The following DNAJC3 variants were observed in gnomAD, a reference collection of about 807,000 sequenced individuals.
DNAJC3 encodes DnaJ heat shock protein family (Hsp40) member C3.
A neutral mutation model predicts 68.6 loss-of-function variants in DNAJC3; 38 were observed. The ratio of observed to expected loss-of-function variants is 0.55; its 90% CI spans 0.43 to 0.73. The LOEUF (loss-of-function observed/expected upper bound fraction) is 0.73. Ranked by LOEUF, DNAJC3 falls within the 30% of genes least tolerant of loss-of-function variation. The pLI is 0.00. For missense variants in DNAJC3, 526 were observed against 591.9 expected (o/e 0.89, Z 1.16); for synonymous variants, 203 against 204.0 (o/e 1.00, Z 0.04).
intron 9 of DNAJC3, among the ~76,000 whole-genome samples, chr13:95,767,691 G>GTTTTTTTTTTTTTT (rs796243780): frequency 1.5e-5 from 2 of 135,796 alleles, no homozygotes; most frequent in African/African-American, 5.5e-5. Context: ...AGTTTTTTGG[G>GTTTTTTTTTTTTTT]TTTTTTTTTT....
chr13:95,718,563 G>A (rs1051381703), intron 2 of DNAJC3, among the ~76,000 whole-genome samples: 2 of 152,144 alleles, frequency 1.3e-5, no homozygotes, highest in Non-Finnish European at 2.9e-5. Flanking sequence ...ACCATGCCTG[G>A]CTAATTTTTG....
chr13:95,738,415 CAG>C (rs1184537742), intron 4 of DNAJC3, among the ~76,000 whole-genome samples: 1 of 149,576 alleles, frequency 6.7e-6, no homozygotes, highest in African/African-American at 2.5e-5. Flanking sequence ...CTAATGTTGA[CAG>C]TGGGGTGTTA....
At position 95,785,924 on chromosome 13, in the gene DNAJC3, A is replaced by C; in HGVS notation, c.1076-15A>C. 6.4e-7 allele frequency: 1 copy of C among 1,571,670 alleles called. No homozygotes were observed. Among genetic ancestry groups the C allele is most frequent in the Non-Finnish European group, 8.6e-7 (1 of 1,165,576 alleles). On this transcript the variant is annotated splice_polypyrimidine_tract_variant and intron_variant, in intron 9 of 11. Transcript: ENST00000602402. ...AATTTGCCTTAACAATATTATCTTA[A>C]ACATATTTTGACAGCTATTCAGGAT...
intron 7 of DNAJC3, among the ~76,000 whole-genome samples, chr13:95,761,266 T>C (rs1345839209): frequency 6.6e-6 from 1 of 152,114 alleles, no homozygotes; most frequent in African/African-American, 2.4e-5. Context: ...AGAGGAGCTT[T>C]TTTTTTTAGA....
chr13:95,764,824 C>T (rs1882946981), intron 9 of DNAJC3, among the ~76,000 whole-genome samples: 1 of 148,412 alleles, frequency 6.7e-6, no homozygotes, highest in Non-Finnish European at 1.5e-5. Context: ...TTAAATGATA[C>T]AGGTTTTTAA....
rs9561942 is a variant in DNAJC3, at chr13:95,726,798, A to G, written c.393+1546A>G. On this transcript the variant is annotated intron_variant, in intron 4 of 11. Transcript: ENST00000602402. The stretch of plus-strand genomic sequence containing the variant: ...CCACTGTTTATTATTTGCATTTTTT[A>G]TAGTTTATGGAAATGCTTAGTTACT... 2.3e-4 allele frequency among the ~76,000 whole-genome samples: 35 copies of G among 152,330 alleles called. No homozygotes were observed. In the East Asian group the frequency reaches 4.4e-3, roughly 19 times the overall value.
Position 95,793,379 on chromosome 13 carries a change from A to G in DNAJC3, c.*2349A>G, listed in dbSNP as rs911042744. On this transcript the variant is annotated 3_prime_UTR_variant, in exon 12 of 12. Transcript: ENST00000602402. ...ACTGAGAAGCAGCCTGGGTGTGTAA[A>G]GAGATAGTCATTCCCCCTGCCTGTC... 6.0e-5 allele frequency: 4 copies of G among 66,428 alleles called. No individual in the cohort carries two copies. Among genetic ancestry groups the G allele is most frequent in the African/African-American group, 8.6e-5 (2 of 23,328 alleles). 4.1% of individuals were successfully genotyped at this position (66,428 alleles called of 1,614,324 possible). A position where few individuals can be genotyped will look rare whatever the true frequency, so the allele number is the denominator to read the frequency against.
intron 1 of DNAJC3, 125 bp downstream of exon 1, chr13:95,677,462 G>A: frequency 6.0e-6 from 6 of 1,000,130 alleles, no homozygotes; most frequent in Non-Finnish European, 8.3e-6. Flanking sequence ...GGGGGAGCCC[G>A]CGGCCTGGCT....
intron 10 of DNAJC3, 53 bp from the exon 11 acceptor site, chr13:95,786,954 A>G: frequency 1.3e-6 from 2 of 1,559,072 alleles, no homozygotes; most frequent in Non-Finnish European, 8.6e-7. Context: ...GATTTTTATG[A>G]TAGTATGTTA....
intron 7 of DNAJC3, among the ~76,000 whole-genome samples, chr13:95,762,050 G>A (rs2139676464): frequency 6.6e-6 from 1 of 152,260 alleles, no homozygotes; most frequent in Non-Finnish European, 1.5e-5. Flanking sequence ...AGGACCTGAG[G>A]TTGGGAGTTT....
intron 2 of DNAJC3, 46 bp downstream of exon 2, chr13:95,709,383 T>C (rs982159027): frequency 7.6e-7 from 1 of 1,310,878 alleles, no homozygotes; most frequent in Non-Finnish European, 1.1e-6. Context: ...CTTAGTGAAT[T>C]CTAGTAATAG....
At chr13:95,678,913 T>C (rs142316600) in intron 1 of DNAJC3, among the ~76,000 whole-genome samples, 57 of 152,338 alleles carry the variant, frequency 3.7e-4, no homozygotes, top group Non-Finnish European at 6.9e-4. Flanking sequence ...GTGACATTTC[T>C]CAGAGGAGTG....
intron 4 of DNAJC3, among the ~76,000 whole-genome samples, chr13:95,735,431 C>T (rs1881876238): frequency 8.0e-6 from 1 of 125,326 alleles, no homozygotes; most frequent in Admixed American, 8.5e-5. Flanking sequence ...GTTTACAGTC[C>T]CACCAACAGT....
Position 95,760,086 on chromosome 13 carries a change from T to C in DNAJC3, c.593T>C (p.Phe198Ser), listed in dbSNP as rs755073342. The C allele has an allele frequency of 1.2e-6, 2 of 1,610,990 alleles. No individual in the cohort carries two copies. Among genetic ancestry groups the C allele is most frequent in the African/African-American group, 1.3e-5 (1 of 74,836 alleles). The change falls in exon 6 of 12, where the codon TTT becomes TCT. Residue 198 changes from phenylalanine to serine, a missense_variant. Coordinates refer to ENST00000602402, the MANE Select transcript of DNAJC3 (RefSeq NM_006260.5). ...AELRELRAECFIKEGEPRKAI... is the reference protein window; with the variant it reads ...AELRELRAECSIKEGEPRKAI... ...CTACGGGAACTTCGAGCTGAATGTT[T>C]TATAAAAGAAGGAGAACCTAGGAAA...
chr13:95,704,553 A>T (rs570220889), intron 1 of DNAJC3, among the ~76,000 whole-genome samples: 1 of 152,218 alleles, frequency 6.6e-6, no homozygotes, highest in Non-Finnish European at 1.5e-5. Flanking sequence ...CCTTAAGGAG[A>T]TACAGTGCTG....
rs1432196574 is a variant in DNAJC3, at chr13:95,743,700, G to GGT, written c.394-13942_394-13941dup. The stretch of plus-strand genomic sequence containing the variant: ...AGTCTCCCTAGTGGCTGGGATCATA[G>GGT]GTGCCCGCTACCACACCCAGCTAAT... On this transcript the variant is annotated intron_variant, in intron 4 of 11. Transcript: ENST00000602402. 3.3e-5 allele frequency among the ~76,000 whole-genome samples: 5 copies of GGT among 152,210 alleles called. No individual in the cohort carries two copies. The South Asian group carries it at 1.0e-3, about 32-fold the overall frequency.
chr13:95,789,445 G>T (rs1239906758), intron 11 of DNAJC3, among the ~76,000 whole-genome samples: 5 of 152,138 alleles, frequency 3.3e-5, no homozygotes, highest in Admixed American at 3.3e-4. Flanking sequence ...AAGGATAGTG[G>T]CCTCCAGCTC....
chr13:95,744,999 C>G (rs1455850258), intron 4 of DNAJC3: 1 of 152,198 alleles, frequency 6.6e-6, no homozygotes, highest in Non-Finnish European at 1.5e-5. Context: ...GCGGTACAGT[C>G]TGGCATTAAG....
At chr13:95,691,123 A>G (rs1203722576) in intron 1 of DNAJC3, among the ~76,000 whole-genome samples, 292 of 81,190 alleles carry the variant, frequency 3.6e-3, no homozygotes, top group Middle Eastern at 0.027. Flanking sequence ...TCCCAGACGG[A>G]GCGGCTGGCC....
Sources: gnomAD v4.1 joint callset for allele counts (sites outside exome capture counted in the v4.1 genomes callset) on GRCh38, gnomAD v4.1.1 for gene constraint, MANE v1.5 for transcripts, NCBI Gene and HGNC (gene_info 2026-07-23, HGNC 2026-07-21) for gene names.